The following C1orf21 variants were observed in gnomAD, a reference collection of about 807,000 sequenced individuals.
C1orf21 encodes the protein uncharacterized protein C1orf21.
A neutral mutation model predicts 18.7 loss-of-function variants in C1orf21; 3 were observed. That is an observed-to-expected ratio of 0.16 (90% CI 0.07 to 0.42). The LOEUF is 0.42. Ranked by LOEUF, C1orf21 falls within the 10% of genes least tolerant of loss-of-function variation. The pLI, the probability that C1orf21 is intolerant of heterozygous loss-of-function variation, is 0.99. For missense variants in C1orf21, 104 were observed against 143.6 expected (o/e 0.72, Z 1.41); for synonymous variants, 41 against 46.4 (o/e 0.88, Z 0.47).
chr1:184,503,424 AG>A (rs1658006815), intron 2 of C1orf21, among the ~76,000 whole-genome samples: 1 of 151,976 alleles, frequency 6.6e-6, no homozygotes, highest in South Asian at 2.1e-4. Flanking sequence ...TGGTCAGTCA[AG>A]TAGAAGATGG....
chr1:184,426,720 A>G (rs1257128929), intron 1 of C1orf21, among the ~76,000 whole-genome samples: 2 of 152,096 alleles, frequency 1.3e-5, no homozygotes, highest in South Asian at 2.1e-4. Context: ...AATTATTTGT[A>G]TAATTATTCC....
intron 2 of C1orf21, among the ~76,000 whole-genome samples, chr1:184,503,385 C>A (rs112227494): frequency 6.6e-6 from 1 of 151,906 alleles, no homozygotes; most frequent in East Asian, 1.9e-4. Context: ...TAAGTTTACT[C>A]CAAATTTAGA....
chr1:184,510,185 A>G (rs1368277049), intron 3 of C1orf21, among the ~76,000 whole-genome samples: 3 of 152,208 alleles, frequency 2.0e-5, no homozygotes, highest in African/African-American at 7.2e-5. Flanking sequence ...ATTTATACCT[A>G]TTATGTACAA....
intron 3 of C1orf21, among the ~76,000 whole-genome samples, chr1:184,568,712 CT>C (rs1331688551): frequency 1.3e-5 from 2 of 152,166 alleles, no homozygotes; most frequent in Non-Finnish European, 2.9e-5. Context: ...TTCTTGCTCT[CT>C]TTTTCTCCCA....
intron 1 of C1orf21, among the ~76,000 whole-genome samples, chr1:184,392,479 G>A (rs912503166): frequency 5.9e-5 from 9 of 152,166 alleles, no homozygotes; most frequent in Non-Finnish European, 1.0e-4. Context: ...GAGAAATTAC[G>A]TATTGGGCAC....
chr1:184,529,860 ATTAAC>A (rs1436196878), intron 3 of C1orf21, among the ~76,000 whole-genome samples: 1 of 152,176 alleles, frequency 6.6e-6, no homozygotes, highest in Non-Finnish European at 1.5e-5. Context: ...CTATGTGGGT[ATTAAC>A]TTAGTAGAGA....
intron 5 of C1orf21, among the ~76,000 whole-genome samples, chr1:184,612,489 G>A (rs968722619): frequency 6.6e-6 from 1 of 152,220 alleles, no homozygotes; most frequent in South Asian, 2.1e-4. Flanking sequence ...ACTTTGGGAG[G>A]CCAAAGCAGG....
At chr1:184,519,817 A>C (rs1339894029) in intron 3 of C1orf21, among the ~76,000 whole-genome samples, 1 of 152,222 alleles carries the variant, frequency 6.6e-6, no homozygotes, top group Non-Finnish European at 1.5e-5. Flanking sequence ...TCCGGTAAGC[A>C]TCTCTTCCTG....
chr1:184,512,251 G>C (rs1254184732), intron 3 of C1orf21, among the ~76,000 whole-genome samples: 1 of 152,194 alleles, frequency 6.6e-6, no homozygotes, highest in African/African-American at 2.4e-5. Context: ...TAACACAACT[G>C]TTTTGGGATA....
intron 2 of C1orf21, among the ~76,000 whole-genome samples, chr1:184,491,578 C>G (rs377159812): frequency 1.3e-5 from 2 of 152,166 alleles, no homozygotes; most frequent in Non-Finnish European, 2.9e-5. Context: ...TCTCGAACTC[C>G]TGAGCTCAAG....
At chr1:184,552,427 A>G (rs1017558178) in intron 3 of C1orf21, among the ~76,000 whole-genome samples, 3 of 152,240 alleles carry the variant, frequency 2.0e-5, no homozygotes, top group Non-Finnish European at 4.4e-5. Context: ...GTCATTTCTG[A>G]CAAAAGTAGA....
In C1orf21 at chr1:184,546,607, G is replaced by A. The variant is rs148000132; in HGVS notation, c.189+38925G>A. Among the ~76,000 whole-genome samples, 566 of 152,316 alleles carry A rather than the reference G, an allele frequency of 3.7e-3. 4 individuals carry two copies. The highest frequency in any genetic ancestry group is 0.013 in the African/African-American group (542 of 41,570). The stretch of plus-strand genomic sequence containing the variant: ...TAGATATCAATGACTACAGACCACA[G>A]ACTCTGTTAAGTCTATGAATGAAAA... On this transcript the variant is annotated intron_variant, in intron 3 of 5. Transcript: ENST00000235307.
intron 3 of C1orf21, among the ~76,000 whole-genome samples, chr1:184,561,255 ACT>A (rs1298573016): frequency 6.6e-6 from 1 of 151,918 alleles, no homozygotes; most frequent in African/African-American, 2.4e-5. Context: ...CCTCAAAGAC[ACT>A]CTGGTGTACA....
chr1:184,613,968 C>G lies in C1orf21; in HGVS notation c.328-5550C>G, dbSNP rs527745527. Among the ~76,000 whole-genome samples, 4 of 152,234 alleles carry G rather than the reference C, an allele frequency of 2.6e-5. No homozygotes were observed. The East Asian group carries it at 7.7e-4, about 29-fold the overall frequency. On this transcript the variant is annotated intron_variant, in intron 5 of 5. Coordinates refer to ENST00000235307, the MANE Select transcript of C1orf21 (RefSeq NM_030806.4). The stretch of plus-strand genomic sequence containing the variant: ...GTTGCAGTGAGCTGAGATCATGCCA[C>G]TGCACTCCAGCCTGGGTGGCAGAGC...
chr1:184,561,263 G>A (rs550835294), intron 3 of C1orf21, among the ~76,000 whole-genome samples: 2 of 152,272 alleles, frequency 1.3e-5, no homozygotes, highest in African/African-American at 2.4e-5. Flanking sequence ...ACACTCTGGT[G>A]TACAGCTCCC....
chr1:184,526,983 G>A (rs1387707984), intron 3 of C1orf21, among the ~76,000 whole-genome samples: 2 of 152,154 alleles, frequency 1.3e-5, no homozygotes, highest in African/African-American at 4.8e-5. Flanking sequence ...ATGCTAATGG[G>A]CCTAACAGGG....
At chr1:184,582,425 G>A (rs555970483) in intron 3 of C1orf21, among the ~76,000 whole-genome samples, 1 of 152,216 alleles carries the variant, frequency 6.6e-6, no homozygotes, top group African/African-American at 2.4e-5. Context: ...CAGTCTGTGT[G>A]CAGGGCACAC....
intron 1 of C1orf21, among the ~76,000 whole-genome samples, chr1:184,450,227 T>C (rs566243777): frequency 8.5e-5 from 13 of 152,106 alleles, no homozygotes; most frequent in African/African-American, 2.9e-4. Flanking sequence ...GGATTCTCCA[T>C]GTCAGGGAGG....
Position 184,488,986 on chromosome 1 carries a change from ACTGT to A in C1orf21, c.94+11384_94+11387del, listed in dbSNP as rs377148739. Among the ~76,000 whole-genome samples, 986 of 152,120 alleles carry A rather than the reference ACTGT, an allele frequency of 6.5e-3. 6 individuals are homozygous for A. The highest frequency in any genetic ancestry group is 0.014 in the Middle Eastern group (4 of 290). ...TCTCAAGAAAAAGAAAAGAAAAGAA[ACTGT>A]AAAAGTACTACAAAAAACGCAAGTG... On this transcript the variant is annotated intron_variant, in intron 2 of 5. Transcript: ENST00000235307.
Sources: gnomAD v4.1 joint callset for allele counts (sites outside exome capture counted in the v4.1 genomes callset) on GRCh38, gnomAD v4.1.1 for gene constraint, MANE v1.5 for transcripts, NCBI Gene and HGNC (gene_info 2026-07-23, HGNC 2026-07-21) for gene names.